The following PAPPA2 variants were observed in gnomAD, a reference collection of about 807,000 sequenced individuals.
PAPPA2 encodes pappalysin 2.
Under a neutral mutation model 176.4 loss-of-function variants are expected in PAPPA2, and 86 were observed. That is an observed-to-expected ratio of 0.49 (90% CI 0.41 to 0.58). PAPPA2 has a LOEUF of 0.58. Among genes scored for constraint, PAPPA2 ranks in the 20% least tolerant of loss-of-function variants. The probability of loss-of-function intolerance (pLI) is 0.00; values close to 1 mark genes in which losing one functional copy is unlikely to be tolerated. For synonymous variants in PAPPA2, 809 were observed against 852.2 expected (o/e 0.95, Z 0.88); for missense variants, 2,073 against 2,256.9 (o/e 0.92, Z 1.65).
intron 3 of PAPPA2, among the ~76,000 whole-genome samples, chr1:176,621,862 T>C (rs1655619512): frequency 6.6e-6 from 1 of 152,154 alleles, no homozygotes. Context: ...ATAGAGTGTC[T>C]TTGGCCAGAG....
At chr1:176,621,106 A>T (rs1338148827) in intron 3 of PAPPA2, among the ~76,000 whole-genome samples, 1 of 152,182 alleles carries the variant, frequency 6.6e-6, no homozygotes, top group Non-Finnish European at 1.5e-5. Context: ...TTGAAAGACT[A>T]AAAGGAAGCA....
chr1:176,774,842 T>A (rs1664386117), intron 17 of PAPPA2, among the ~76,000 whole-genome samples: 2 of 152,178 alleles, frequency 1.3e-5, no homozygotes, highest in Non-Finnish European at 2.9e-5. Context: ...TCCAGCCTCA[T>A]TGCTCACTAT....
In PAPPA2 at chr1:176,789,946, G is replaced by T; in HGVS notation, c.4853G>T (p.Cys1618Phe). 1 of 1,614,154 alleles carries T rather than the reference G, an allele frequency of 6.2e-7. No individual in the cohort carries two copies. The highest frequency in any genetic ancestry group is 1.1e-5 in the South Asian group (1 of 91,084). The part of the protein sequence containing the change: ...CTNGFSLDSQ[C>F]VLNCNQEREK... ...AATGGCTTCAGCCTGGACAGCCAGTGTGTGCTCAACTGTAACCAGGAACGT... is the reference window on the plus strand; with the variant it reads ...AATGGCTTCAGCCTGGACAGCCAGTTTGTGCTCAACTGTAACCAGGAACGT... The change falls in exon 18 of 23, where the codon TGT becomes TTT. Residue 1618 changes from cysteine (C) to phenylalanine (F), a missense_variant. Cys to Phe is a radical substitution (Grantham distance 205). This residue lies in a region of PAPPA2 where 846 missense variants were observed against 857.9 expected (regional missense o/e 0.99). Coordinates refer to ENST00000367662, the MANE Select transcript of PAPPA2 (RefSeq NM_020318.3).
chr1:176,741,436 C>G (rs901792180), intron 14 of PAPPA2, among the ~76,000 whole-genome samples: 1 of 152,144 alleles, frequency 6.6e-6, no homozygotes, highest in African/African-American at 2.4e-5. Context: ...GACATGGCAG[C>G]CAGTGATCCA....
At chr1:176,694,189 C>T (rs912026959) in intron 6 of PAPPA2, among the ~76,000 whole-genome samples, 17 of 152,276 alleles carry the variant, frequency 1.1e-4, no homozygotes, top group African/African-American at 2.9e-4. Flanking sequence ...GCAGCAGCCA[C>T]GGAAGGGCCA....
chr1:176,753,645 G>T (rs541847167), intron 14 of PAPPA2, among the ~76,000 whole-genome samples: 1 of 139,966 alleles, frequency 7.1e-6, no homozygotes, highest in Non-Finnish European at 1.5e-5. Flanking sequence ...TTATCATAAG[G>T]TTTCCTTTTA....
At chr1:176,809,851 A>C (rs1666066755) in intron 21 of PAPPA2, among the ~76,000 whole-genome samples, 1 of 152,006 alleles carries the variant, frequency 6.6e-6, no homozygotes, top group African/African-American at 2.4e-5. Flanking sequence ...TGCCCGAGGA[A>C]TAGTGGCAAT....
intron 3 of PAPPA2, among the ~76,000 whole-genome samples, chr1:176,634,600 A>G (rs1029359992): frequency 2.6e-5 from 4 of 151,214 alleles, no homozygotes; most frequent in African/African-American, 7.3e-5. Context: ...AAAAATATAT[A>G]TATATAAAAT....
chr1:176,800,800 C>T (rs1368855404), intron 21 of PAPPA2, among the ~76,000 whole-genome samples: 2 of 152,090 alleles, frequency 1.3e-5, no homozygotes, highest in African/African-American at 2.4e-5. Flanking sequence ...CTGCCTGGGT[C>T]ATGCAGGCAT....
chr1:176,506,693 A>C (rs7526589), intron 1 of PAPPA2, among the ~76,000 whole-genome samples: 1 of 152,098 alleles, frequency 6.6e-6, no homozygotes, highest in African/African-American at 2.4e-5. Flanking sequence ...ATTTATGTGC[A>C]TTGATTTTGT....
chr1:176,634,916 G>T (rs1475524508), intron 3 of PAPPA2, among the ~76,000 whole-genome samples: 1 of 85,356 alleles, frequency 1.2e-5, no homozygotes, highest in African/African-American at 4.7e-5. Context: ...ATACATGACA[G>T]ATAGATGATG....
chr1:176,774,578 C>T (rs2102917510), intron 17 of PAPPA2, among the ~76,000 whole-genome samples: 1 of 152,220 alleles, frequency 6.6e-6, no homozygotes, highest in African/African-American at 2.4e-5. Flanking sequence ...TCTCTCCATC[C>T]CTGCTGCCAA....
chr1:176,556,791 C>G lies in PAPPA2; in HGVS notation c.469C>G (p.Leu157Val). 6.2e-7 allele frequency: 1 copy of G among 1,614,096 alleles called. No individual in the cohort carries two copies. The highest frequency in any genetic ancestry group is 8.5e-7 in the Non-Finnish European group (1 of 1,180,014). ...YLGNQRSKES[L>V]GEAGIQKGSA... The stretch of plus-strand genomic sequence containing the variant: ...CGGCAATCAAAGATCCAAGGAGTCT[C>G]TAGGTGAGGCCGGGATTCAGAAAGG... The change falls in exon 2 of 23, where the codon CTA becomes GTA. Residue 157 changes from leucine (L) to valine (V), a missense_variant. By Grantham distance (32) the Leu-to-Val change is conservative (BLOSUM62 1). Coordinates refer to ENST00000367662, the MANE Select transcript of PAPPA2 (RefSeq NM_020318.3).
intron 5 of PAPPA2, chr1:176,690,941 C>G (rs888843827): frequency 1.0e-6 from 1 of 955,804 alleles, no homozygotes; most frequent in Non-Finnish European, 1.2e-6. Context: ...ATCAGATTCT[C>G]TTTTTCCAGC....
chr1:176,838,376 G>A (rs1218149833), intron 21 of PAPPA2, among the ~76,000 whole-genome samples: 2 of 152,064 alleles, frequency 1.3e-5, no homozygotes, highest in African/African-American at 2.4e-5. Flanking sequence ...GTGCTCCTTC[G>A]ATTTTTATAG....
intron 14 of PAPPA2, among the ~76,000 whole-genome samples, chr1:176,752,326 A>C (rs539650252): frequency 6.1e-4 from 81 of 133,304 alleles, no homozygotes; most frequent in Non-Finnish European, 1.1e-3. Flanking sequence ...CATGTACCCT[A>C]AAACTTAGAG....
intron 1 of PAPPA2, among the ~76,000 whole-genome samples, chr1:176,516,350 C>T (rs1648912956): frequency 6.6e-6 from 1 of 151,404 alleles, no homozygotes; most frequent in African/African-American, 2.4e-5. Flanking sequence ...TCATCATTTA[C>T]CATCCTCCCC....
chr1:176,616,913 T>C (rs370143048), intron 3 of PAPPA2: 57 of 412,630 alleles, frequency 1.4e-4, no homozygotes, highest in South Asian at 1.3e-3. Flanking sequence ...GTGCTTTGAG[T>C]GTGAAGTTGT....
intron 3 of PAPPA2, chr1:176,616,749 T>A: frequency 8.0e-7 from 1 of 1,257,122 alleles, no homozygotes. Flanking sequence ...CATGTTCTTG[T>A]ATGTGACTTT....
Sources: allele counts gnomAD v4.1 joint callset (sites outside exome capture counted in the v4.1 genomes callset), GRCh38; gene constraint gnomAD v4.1.1; regional missense constraint gnomAD v4.1.1; transcripts MANE v1.5; gene names NCBI Gene and HGNC (gene_info 2026-07-23, HGNC 2026-07-21).